The following DDAH1 variants were observed in gnomAD, a reference collection of about 807,000 sequenced individuals.
DDAH1 encodes the protein N(G),N(G)-dimethylarginine dimethylaminohydrolase 1.
A neutral mutation model predicts 28.8 loss-of-function variants in DDAH1; 19 were observed. The observed-to-expected ratio is 0.66, with a 90% CI of 0.46 to 0.97. DDAH1 has a LOEUF of 0.97. Ranked by LOEUF, DDAH1 falls within the 50% of genes least tolerant of loss-of-function variation. The pLI is 0.00. For missense variants in DDAH1, 326 were observed against 375.9 expected (o/e 0.87, Z 1.10); for synonymous variants, 153 against 154.4 (o/e 0.99, Z 0.07).
At chr1:85,539,383 G>T (rs1240742652) in intron 1 of DDAH1, among the ~76,000 whole-genome samples, 2 of 152,224 alleles carry the variant, frequency 1.3e-5, no homozygotes, top group Admixed American at 1.3e-4. Flanking sequence ...CTGAGCTCAG[G>T]TGATCCGCCT....
At chr1:85,521,609 A>G (rs1657693432) in intron 1 of DDAH1, 3 of 981,190 alleles carry the variant, frequency 3.1e-6, no homozygotes, top group Non-Finnish European at 3.6e-6. Context: ...CAAAGACTCC[A>G]TAGACTCACT....
intron 1 of DDAH1, among the ~76,000 whole-genome samples, chr1:85,528,630 A>C (rs1557728615): frequency 6.6e-6 from 1 of 152,076 alleles, no homozygotes; most frequent in Admixed American, 6.6e-5. Context: ...GCAACTTTTC[A>C]AACTTAAAAA....
intron 4 of DDAH1, among the ~76,000 whole-genome samples, chr1:85,326,542 G>A (rs1008981244): frequency 1.3e-5 from 2 of 152,154 alleles, no homozygotes; most frequent in South Asian, 2.1e-4. Flanking sequence ...AACTCAAAAC[G>A]TTTCTTAATC....
At chr1:85,403,512 A>G (rs1389580150) in intron 1 of DDAH1, among the ~76,000 whole-genome samples, 1 of 152,112 alleles carries the variant, frequency 6.6e-6, no homozygotes, top group African/African-American at 2.4e-5. Context: ...TGGAACTCTC[A>G]GCACTTTACT....
chr1:85,469,832 G>A (rs1483098373), upstream of DDAH1, among the ~76,000 whole-genome samples: 1 of 152,088 alleles, frequency 6.6e-6, no homozygotes, highest in Non-Finnish European at 1.5e-5. Context: ...TGATAATTAT[G>A]GCTTATGGTC....
At chr1:85,490,422 C>A (rs563009447) in intron 2 of DDAH1, among the ~76,000 whole-genome samples, 1 of 152,162 alleles carries the variant, frequency 6.6e-6, no homozygotes, top group Admixed American at 6.6e-5. Flanking sequence ...ATAGTTCTCC[C>A]ACTAATGTAA....
intron 1 of DDAH1, among the ~76,000 whole-genome samples, chr1:85,538,552 G>T (rs1269385409): frequency 1.3e-5 from 2 of 152,126 alleles, no homozygotes; most frequent in African/African-American, 4.8e-5. Flanking sequence ...TCAAGCATCA[G>T]TGCTGGATTA....
chr1:85,419,140 G>T (rs1653017338), intron 1 of DDAH1, among the ~76,000 whole-genome samples: 1 of 152,114 alleles, frequency 6.6e-6, no homozygotes, highest in South Asian at 2.1e-4. Flanking sequence ...CATTAAAATT[G>T]TAAAAGTGTT....
chr1:85,422,199 A>G (rs1553132992), intron 1 of DDAH1, among the ~76,000 whole-genome samples: 1 of 152,140 alleles, frequency 6.6e-6, no homozygotes, highest in Non-Finnish European at 1.5e-5. Context: ...CCATCTGCAT[A>G]TCTTCTTTGG....
At chr1:85,334,770 CAA>C (rs35822306) in intron 4 of DDAH1, among the ~76,000 whole-genome samples, 52,789 of 151,848 alleles carry the variant, frequency 0.35, 9,265 homozygotes, top group South Asian at 0.4. Flanking sequence ...TTCTTTATAG[CAA>C]AGTGAGAATG....
chr1:85,420,206 G>C (rs1157777867), intron 1 of DDAH1, among the ~76,000 whole-genome samples: 2 of 152,140 alleles, frequency 1.3e-5, no homozygotes, highest in South Asian at 4.1e-4. Flanking sequence ...GATGGGAGGG[G>C]CTGCCATGAA....
At chr1:85,375,345 T>A (rs1314572907) in intron 1 of DDAH1, among the ~76,000 whole-genome samples, 4 of 152,106 alleles carry the variant, frequency 2.6e-5, no homozygotes, top group Admixed American at 1.3e-4. Flanking sequence ...GCCCTCATTA[T>A]CTTGAAGACA....
At chr1:85,403,647 G>A (rs1400908783) in intron 1 of DDAH1, among the ~76,000 whole-genome samples, 1 of 152,072 alleles carries the variant, frequency 6.6e-6, no homozygotes, top group African/African-American at 2.4e-5. Context: ...TGTGGTTCAG[G>A]CAAGTCCTAA....
At chr1:85,363,111 A>G (rs1649878114) in intron 1 of DDAH1, among the ~76,000 whole-genome samples, 1 of 152,218 alleles carries the variant, frequency 6.6e-6, no homozygotes, top group Non-Finnish European at 1.5e-5. Flanking sequence ...ACCCTTTCCA[A>G]AATTGACTTT....
chr1:85,436,227 AT>A lies in DDAH1; in HGVS notation c.303+28515del, dbSNP rs919129409. Among the ~76,000 whole-genome samples, 9 of 145,336 alleles carry A rather than the reference AT, an allele frequency of 6.2e-5. No individual in the cohort carries two copies. In the South Asian group the frequency reaches 6.4e-4, roughly 10 times the overall value. ...CATGGTGGCTAATATTCTTGTGATA[AT>A]TTAAAAAATTTTTTTTTCCCTTTAT... On this transcript the variant is annotated intron_variant, in intron 1 of 5. Transcript: ENST00000284031.
intron 1 of DDAH1, among the ~76,000 whole-genome samples, chr1:85,410,497 G>A (rs905933110): frequency 6.6e-5 from 10 of 151,966 alleles, no homozygotes; most frequent in Admixed American, 5.9e-4. Context: ...AAATTAGCTG[G>A]GCATGGTGGC....
chr1:85,451,239 A>T (rs939102991), intron 1 of DDAH1, among the ~76,000 whole-genome samples: 3 of 152,192 alleles, frequency 2.0e-5, no homozygotes, highest in Non-Finnish European at 2.9e-5. Flanking sequence ...GCCACAGCCC[A>T]ATGGATGGAG....
At chr1:85,486,222 G>A (rs1030893097) in intron 2 of DDAH1, among the ~76,000 whole-genome samples, 8 of 152,144 alleles carry the variant, frequency 5.3e-5, no homozygotes, top group African/African-American at 1.9e-4. Context: ...AAAATCCACT[G>A]GATTGCAAGC....
chr1:85,474,762 T>C (rs2100707765), intron 2 of DDAH1, among the ~76,000 whole-genome samples: 1 of 152,290 alleles, frequency 6.6e-6, no homozygotes, highest in Admixed American at 6.5e-5. Context: ...CCCACTCTCA[T>C]CAGCCCACTT....
Sources: gnomAD v4.1 joint callset for allele counts (sites outside exome capture counted in the v4.1 genomes callset) on GRCh38, gnomAD v4.1.1 for gene constraint, MANE v1.5 for transcripts, NCBI Gene and HGNC (gene_info 2026-07-23, HGNC 2026-07-21) for gene names.